EMC3: variants seen among roughly 807,000 people sequenced by gnomAD.
The protein encoded by EMC3 is ER membrane protein complex subunit 3, also known as 30 kDa protein.
Under a neutral mutation model 36.6 loss-of-function variants are expected in EMC3, and 13 were observed. The observed-to-expected ratio is 0.35, with a 90% CI of 0.23 to 0.56. EMC3 has a LOEUF of 0.56. Ranked by LOEUF, EMC3 falls within the 20% of genes least tolerant of loss-of-function variation. EMC3 has a pLI of 0.84. For synonymous variants in EMC3, 120 were observed against 111.9 expected, an observed-to-expected ratio of 1.07 and a Z score of -0.46; for missense variants, 220 against 324.5, an observed-to-expected ratio of 0.68 and a Z score of 2.47.
chr3:9,968,588 T>C (rs1575672860), intron 7 of EMC3: 1 of 152,206 alleles, frequency 6.6e-6, no homozygotes, highest in African/African-American at 2.4e-5. Flanking sequence ...TCTTTCACCA[T>C]TGAGTATGAT....
intron 5 of EMC3, chr3:9,973,411 G>A: frequency 2.0e-6 from 1 of 512,592 alleles, no homozygotes; most frequent in Non-Finnish European, 3.5e-6. Flanking sequence ...AGCCAGAATG[G>A]TCTCGATCTC....
chr3:9,990,037 T>C (rs1047993442), upstream of EMC3, among the ~76,000 whole-genome samples: 9 of 151,766 alleles, frequency 5.9e-5, no homozygotes, highest in Admixed American at 3.9e-4. Flanking sequence ...TCTTTTTTTT[T>C]TGAGACAGAG....
chr3:9,973,384 CG>C (rs1347175844), intron 5 of EMC3: 2 of 373,684 alleles, frequency 5.4e-6, no homozygotes, highest in East Asian at 1.0e-4. Flanking sequence ...TTAGTACAGA[CG>C]GGGTTTCACA....
chr3:10,009,169 C>G (rs1253286831), intron 1 of EMC3: 1 of 152,258 alleles, frequency 6.6e-6, no homozygotes, highest in Non-Finnish European at 1.5e-5. Flanking sequence ...GGCCGTTGGC[C>G]GTTGGGAGCC....
intron 7 of EMC3, among the ~76,000 whole-genome samples, chr3:9,967,698 T>C (rs756808949): frequency 8.5e-5 from 13 of 152,232 alleles, no homozygotes; most frequent in Non-Finnish European, 2.9e-5. Flanking sequence ...TTCCCTTGAA[T>C]TTCCACATGA....
chr3:9,971,192 G>T (rs1323909315), intron 5 of EMC3, among the ~76,000 whole-genome samples: 4 of 152,018 alleles, frequency 2.6e-5, no homozygotes. Flanking sequence ...CAAAGTGCTG[G>T]GATTACAGGC....
chr3:9,972,462 G>GA (rs34891720), intron 5 of EMC3, among the ~76,000 whole-genome samples: 2,506 of 90,542 alleles, frequency 0.028, 46 homozygotes, highest in East Asian at 0.089. Flanking sequence ...GAGTTTCAAT[G>GA]AAAAAAAAAA....
intron 7 of EMC3, among the ~76,000 whole-genome samples, chr3:9,967,078 T>A (rs917241545): frequency 3.9e-5 from 6 of 152,204 alleles, no homozygotes; most frequent in African/African-American, 1.4e-4. Flanking sequence ...CCATCCTCAG[T>A]AAACTCTAAC....
chr3:10,000,655 T>A (rs1201543604), intron 1 of EMC3: 2 of 475,576 alleles, frequency 4.2e-6, no homozygotes, highest in Non-Finnish European at 8.4e-6. Context: ...CATTAGTAGC[T>A]TTTTTAAGAT....
intron 1 of EMC3, among the ~76,000 whole-genome samples, chr3:9,985,198 A>G (rs1009223812): frequency 2.0e-5 from 3 of 152,226 alleles, no homozygotes; most frequent in African/African-American, 7.2e-5. Context: ...GAATCTTTAA[A>G]TTACCAGCAA....
At chr3:9,980,116 C>T (rs751550275) in intron 1 of EMC3, among the ~76,000 whole-genome samples, 24 of 151,242 alleles carry the variant, frequency 1.6e-4, no homozygotes, top group Non-Finnish European at 2.9e-4. Context: ...CGAGTTCAAG[C>T]AATTCTCCCG....
chr3:9,977,564 T>C (rs2085863247), intron 1 of EMC3, 118 bp from the exon 2 acceptor site: 3 of 769,544 alleles, frequency 3.9e-6, no homozygotes, highest in Non-Finnish European at 6.2e-6. Flanking sequence ...AACAGCTCTG[T>C]GTGGAAACTT....
intron 5 of EMC3, 94 bp from the exon 6 acceptor site, chr3:9,970,755 G>T: frequency 7.9e-7 from 1 of 1,263,202 alleles, no homozygotes; most frequent in Non-Finnish European, 1.1e-6. Flanking sequence ...TTCAGTGTTT[G>T]TAAAGAAGTC....
rs1286067265 is a variant in EMC3 at position 9,986,698 on chromosome 3, A to AGCTTCTCTTCTCCGGGGCACAGTT, written c.-61_-38dup. ...GCTGGTTCCCAGTCTGGAATGGGCG[A>AGCTTCTCTTCTCCGGGGCACAGTT]GCTTCTCTTCTCCGGGGCACAGTTG... On this transcript the variant is annotated 5_prime_UTR_variant, in exon 1 of 8. Coordinates refer to ENST00000245046, the MANE Select transcript of EMC3 (RefSeq NM_001394674.1). 1.9e-5 allele frequency: 30 copies of AGCTTCTCTTCTCCGGGGCACAGTT among 1,610,622 alleles called. No individual in the cohort carries two copies. The highest frequency in any genetic ancestry group is 2.5e-5 in the Non-Finnish European group (30 of 1,177,874).
chr3:9,964,996 T>C (rs2085722141), intron 7 of EMC3, among the ~76,000 whole-genome samples: 1 of 151,872 alleles, frequency 6.6e-6, no homozygotes, highest in African/African-American at 2.4e-5. Context: ...CCAGCTACTC[T>C]GGAGGCTGAG....
chr3:9,969,692 G>A (rs2085766405), intron 7 of EMC3, 27 bp downstream of exon 7: 7 of 1,614,110 alleles, frequency 4.3e-6, no homozygotes, highest in African/African-American at 1.3e-5. Context: ...GAGCATTGCT[G>A]CAGCTTTGAA....
intron 1 of EMC3, chr3:10,010,217 G>C (rs1477567722): frequency 1.3e-5 from 2 of 152,430 alleles, no homozygotes; most frequent in East Asian, 3.9e-4. Context: ...CGGATCACAA[G>C]GTCAGGAGAT....
chr3:9,984,071 G>A (rs1190626853), intron 1 of EMC3, among the ~76,000 whole-genome samples: 1 of 151,820 alleles, frequency 6.6e-6, no homozygotes, highest in Non-Finnish European at 1.5e-5. Flanking sequence ...TCTTTCTGTG[G>A]TAAATACACT....
chr3:10,004,514 C>G (rs1489239239), intron 1 of EMC3: 2 of 152,330 alleles, frequency 1.3e-5, no homozygotes, highest in African/African-American at 4.8e-5. Context: ...TCCCACTTGT[C>G]CTCTCTACAT....
Sources: allele counts gnomAD v4.1 joint callset (sites outside exome capture counted in the v4.1 genomes callset), GRCh38; gene constraint gnomAD v4.1.1; transcripts MANE v1.5; gene names NCBI Gene and HGNC (gene_info 2026-07-23, HGNC 2026-07-21).